DNAJC1: variants seen among roughly 807,000 people sequenced by gnomAD.
DNAJC1 encodes DnaJ heat shock protein family (Hsp40) member C1, also known as dnaJ homolog subfamily C member 1.
DNAJC1 carries 58 observed loss-of-function variants against 76.6 expected under a neutral mutation model. That is an observed-to-expected ratio of 0.76 (90% CI 0.61 to 0.94). The LOEUF (loss-of-function observed/expected upper bound fraction) is 0.94, where lower values mean the gene tolerates loss of function less well. Among genes scored for constraint, DNAJC1 ranks in the 40% least tolerant of loss-of-function variants. The probability of loss-of-function intolerance (pLI) is 0.00; values close to 1 mark genes in which losing one functional copy is unlikely to be tolerated. For synonymous variants in DNAJC1, 258 were observed against 267.9 expected (o/e 0.96, Z 0.36); for missense variants, 689 against 677.3 (o/e 1.02, Z -0.19).
intron 1 of DNAJC1, among the ~76,000 whole-genome samples, chr10:21,990,420 T>C (rs1375972160): frequency 2.6e-5 from 4 of 152,182 alleles, no homozygotes; most frequent in African/African-American, 9.7e-5. Flanking sequence ...CAAATAATTA[T>C]TTCCCTTGTG....
intron 8 of DNAJC1, among the ~76,000 whole-genome samples, chr10:21,852,588 G>C (rs993451276): frequency 6.6e-6 from 1 of 152,096 alleles, no homozygotes; most frequent in Non-Finnish European, 1.5e-5. Context: ...GTGTTGTCAG[G>C]GTGTGGAGCA....
chr10:21,872,041 C>A (rs1486588065), intron 8 of DNAJC1, among the ~76,000 whole-genome samples: 1 of 149,352 alleles, frequency 6.7e-6, no homozygotes, highest in African/African-American at 2.5e-5. Context: ...GAAGACCAGA[C>A]AATGAACTTT....
intron 7 of DNAJC1, among the ~76,000 whole-genome samples, chr10:21,887,440 A>G (rs930177147): frequency 1.3e-5 from 2 of 152,166 alleles, no homozygotes; most frequent in Non-Finnish European, 2.9e-5. Flanking sequence ...GACAATCCTA[A>G]GCAAAAAAAA....
chr10:21,947,580 T>C (rs765868942), intron 1 of DNAJC1, among the ~76,000 whole-genome samples: 1 of 152,238 alleles, frequency 6.6e-6, no homozygotes, highest in African/African-American at 2.4e-5. Context: ...AACGTGTTAA[T>C]TGTTTATGTT....
chr10:21,973,799 T>C (rs958203969), intron 1 of DNAJC1, among the ~76,000 whole-genome samples: 2 of 151,770 alleles, frequency 1.3e-5, no homozygotes, highest in African/African-American at 4.8e-5. Context: ...TGAAAGTTTC[T>C]CTAGCTTGAA....
At chr10:21,943,382 C>G (rs959367237) in intron 1 of DNAJC1, among the ~76,000 whole-genome samples, 1 of 152,126 alleles carries the variant, frequency 6.6e-6, no homozygotes, top group Non-Finnish European at 1.5e-5. Flanking sequence ...ACAGAGGGTG[C>G]CTCAGTAGTT....
chr10:21,863,120 G>C (rs556648008), intron 8 of DNAJC1, among the ~76,000 whole-genome samples: 10 of 152,142 alleles, frequency 6.6e-5, no homozygotes, highest in African/African-American at 1.9e-4. Context: ...CAACAAGAGT[G>C]AAACTCCGTC....
intron 8 of DNAJC1, among the ~76,000 whole-genome samples, chr10:21,837,856 C>T (rs867136238): frequency 2.9e-5 from 4 of 139,612 alleles, no homozygotes; most frequent in Admixed American, 6.9e-5. Flanking sequence ...CCAGCCGCCC[C>T]GTCCGGGAGG....
At chr10:21,906,597 G>T (rs1836750192) in intron 6 of DNAJC1, among the ~76,000 whole-genome samples, 1 of 152,090 alleles carries the variant, frequency 6.6e-6, no homozygotes, top group African/African-American at 2.4e-5. Flanking sequence ...AAGAAAGTAG[G>T]CTGAAATCAA....
chr10:21,805,847 T>A, intron 9 of DNAJC1, 133 bp downstream of exon 9: 1 of 1,132,646 alleles, frequency 8.8e-7, no homozygotes, highest in Non-Finnish European at 1.3e-6. Context: ...CATTAATGGT[T>A]CACTTTCAGG....
chr10:21,919,975 C>T (rs1378086237), intron 4 of DNAJC1, 46 bp from the exon 5 acceptor site: 1 of 1,210,436 alleles, frequency 8.3e-7, no homozygotes, highest in Non-Finnish European at 1.2e-6. Flanking sequence ...TTAACATGTA[C>T]ACTTCAAATG....
intron 6 of DNAJC1, among the ~76,000 whole-genome samples, chr10:21,911,436 G>T (rs1836862474): frequency 6.6e-6 from 1 of 151,968 alleles, no homozygotes; most frequent in Non-Finnish European, 1.5e-5. Context: ...GAAAAATATA[G>T]AAAAACTGTA....
intron 6 of DNAJC1, among the ~76,000 whole-genome samples, chr10:21,906,016 T>C (rs1394133802): frequency 2.6e-5 from 4 of 152,176 alleles, no homozygotes; most frequent in African/African-American, 7.2e-5. Context: ...TCTACGACTG[T>C]GTCCAAATTA....
chr10:21,809,519 ACATT>A (rs1018451920), intron 8 of DNAJC1, among the ~76,000 whole-genome samples: 2 of 151,320 alleles, frequency 1.3e-5, no homozygotes, highest in African/African-American at 4.8e-5. Context: ...AATATATAAC[ACATT>A]ATTATACATA....
Position 21,998,059 on chromosome 10 carries a change from A to G in DNAJC1, c.222+5154T>C, listed in dbSNP as rs544437092. ...ACTGTTGGCTAGAATTACTGTATAC[A>G]AAGGATAAGGAAAGTCATGGTCCCA... On this transcript the variant is annotated intron_variant, in intron 1 of 11. Coordinates refer to ENST00000376980, the MANE Select transcript of DNAJC1 (RefSeq NM_022365.4). 2.0e-4 allele frequency among the ~76,000 whole-genome samples: 30 copies of G among 152,288 alleles called. 1 individual carries two copies. Among genetic ancestry groups the G allele is most frequent in the Admixed American group, 1.3e-3 (20 of 15,300 alleles).
chr10:21,805,251 TGATAAA>T (rs1263770145), intron 9 of DNAJC1, among the ~76,000 whole-genome samples: 3 of 152,116 alleles, frequency 2.0e-5, no homozygotes, highest in African/African-American at 7.2e-5. Context: ...AATATCAATT[TGATAAA>T]AATAATATTT....
At chr10:21,810,839 A>G (rs1834952300) in intron 8 of DNAJC1, among the ~76,000 whole-genome samples, 1 of 152,148 alleles carries the variant, frequency 6.6e-6, no homozygotes, top group Non-Finnish European at 1.5e-5. Flanking sequence ...CCCATACCCA[A>G]TATAACTGAA....
intron 7 of DNAJC1, among the ~76,000 whole-genome samples, chr10:21,889,182 T>C (rs948783030): frequency 2.6e-5 from 4 of 152,012 alleles, no homozygotes; most frequent in Non-Finnish European, 5.9e-5. Flanking sequence ...GGAGAACAGG[T>C]GTCTTACATG....
intron 9 of DNAJC1, among the ~76,000 whole-genome samples, chr10:21,770,559 G>A (rs541782214): frequency 1.1e-4 from 17 of 151,988 alleles, no homozygotes; most frequent in South Asian, 4.2e-4. Flanking sequence ...CAAGATGCCC[G>A]GCTAATTTTT....
Sources: allele counts gnomAD v4.1 joint callset (sites outside exome capture counted in the v4.1 genomes callset), GRCh38; gene constraint gnomAD v4.1.1; transcripts MANE v1.5; gene names NCBI Gene and HGNC (gene_info 2026-07-23, HGNC 2026-07-21).